CLU: variants seen among roughly 807,000 people sequenced by gnomAD.
The protein encoded by CLU is aging-associated protein 4.
CLU carries 25 observed loss-of-function variants against 46.4 expected under a neutral mutation model. The ratio of observed to expected loss-of-function variants is 0.54; its 90% CI spans 0.39 to 0.75. The LOEUF (loss-of-function observed/expected upper bound fraction) is 0.75. Among genes scored for constraint, CLU ranks in the 30% least tolerant of loss-of-function variants. The pLI, the probability that CLU is intolerant of heterozygous loss-of-function variation, is 0.00. For synonymous variants in CLU, 235 were observed against 235.1 expected (o/e 1.00, Z 0.00); for missense variants, 504 against 592.1 (o/e 0.85, Z 1.54).
At position 27,610,547 on chromosome 8, in the gene CLU, C is replaced by T; in HGVS notation, c.25G>A (p.Val9Met). The T allele has an allele frequency of 6.2e-7, 1 of 1,614,250 alleles. No individual in the cohort carries two copies. Among genetic ancestry groups the T allele is most frequent in the Non-Finnish European group, 8.5e-7 (1 of 1,180,030 alleles). Residue 9 changes from valine to methionine, a missense_variant, in exon 2 of 9, where the codon GTG becomes ATG. Physicochemically the swap from Val to Met is conservative, Grantham distance 21. Around this residue, in one of 3 missense-constraint regions of CLU, gnomAD observed 73 missense variants for 91.2 expected, o/e 0.80. Transcript: ENST00000316403. ...CTCTCCCAGGTCAGCAGCAGCCCCA[C>T]AAACAGCAGCAGAGTCTTCATCATG... MMKTLLLF[V>M]GLLLTWESGQ... is the part of the protein sequence containing the mutation.
At chr8:27,608,913 G>A (rs1485727966) in intron 3 of CLU, 25 bp downstream of exon 3, 1 of 1,614,022 alleles carries the variant, frequency 6.2e-7, no homozygotes, top group South Asian at 1.1e-5. Context: ...GTCAAGGCAG[G>A]GAGGCGGTAG....
chr8:27,604,271 T>C lies in CLU; in HGVS notation c.934+20A>G, dbSNP rs770620635. 6.2e-7 allele frequency: 1 copy of C among 1,601,370 alleles called. No individual in the cohort carries two copies. Among genetic ancestry groups the C allele is most frequent in the African/African-American group, 1.3e-5 (1 of 74,656 alleles). The stretch of plus-strand genomic sequence containing the variant: ...ACAAGGGATCAGGGGGGACGGCTTG[T>C]GGTCTGGACCCCGACTCACCCACAG... On this transcript the variant is annotated intron_variant, in intron 6 of 8. Coordinates refer to ENST00000316403, the MANE Select transcript of CLU (RefSeq NM_001831.4).
At chr8:27,603,150 A>C (rs956212316) in intron 6 of CLU, among the ~76,000 whole-genome samples, 26 of 152,344 alleles carry the variant, frequency 1.7e-4, no homozygotes, top group African/African-American at 5.8e-4. Flanking sequence ...AAAAATCAGC[A>C]TAAGAGGTCC....
At chr8:27,614,570 C>A (rs1056547931) in intron 1 of CLU, 85 bp downstream of exon 1, 1 of 423,438 alleles carries the variant, frequency 2.4e-6, no homozygotes. Flanking sequence ...CTGTGTCATC[C>A]CTCTCTGCCT....
chr8:27,601,313 G>T (rs1318020498), intron 6 of CLU, among the ~76,000 whole-genome samples: 1 of 152,164 alleles, frequency 6.6e-6, no homozygotes. Context: ...GCCTCTCAAG[G>T]TGCTGGGATT....
rs574664682 is a variant in CLU at position 27,608,887 on chromosome 8, C to T, written c.246+51G>A. On this transcript the variant is annotated intron_variant, in intron 3 of 8. Coordinates refer to ENST00000316403, the MANE Select transcript of CLU (RefSeq NM_001831.4). ...GGCACCGCGCAGTGACCCCCTCCCTCCCCTCCAGTGGGATGGTCAAGGCAG... is the reference window on the plus strand; with the variant it reads ...GGCACCGCGCAGTGACCCCCTCCCTTCCCTCCAGTGGGATGGTCAAGGCAG... The T allele has an allele frequency of 1.3e-5, 21 of 1,606,480 alleles. No individual in the cohort carries two copies. The East Asian group carries it at 4.7e-4, about 36-fold the overall frequency.
intron 5 of CLU, 83 bp from the exon 6 acceptor site, chr8:27,604,478 A>AT (rs1800779814): frequency 8.8e-7 from 1 of 1,137,554 alleles, no homozygotes; most frequent in South Asian, 1.3e-5. Context: ...ATTTTTATTT[A>AT]TTTTTTAATT....
Position 27,605,240 on chromosome 8 carries a change from G to A in CLU, c.513C>T (p.His171=), listed in dbSNP as rs776655102. ...AGTGGTCCTGCATGACATCCAGCAT[G>A]TGCGTCTGCTGCCGGTCGTTCTCCA... The part of the protein sequence containing the change: ...SLLENDRQQT[H]MLDVMQDHFS... Residue 171 remains histidine (H), a synonymous_variant, in exon 5 of 9, where the codon CAC becomes CAT. Coordinates refer to ENST00000316403, the MANE Select transcript of CLU (RefSeq NM_001831.4). The A allele has an allele frequency of 1.2e-6, 2 of 1,614,196 alleles. No homozygotes were observed. Among genetic ancestry groups the A allele is most frequent in the Admixed American group, 3.3e-5 (2 of 60,028 alleles).
chr8:27,600,119 C>T, intron 6 of CLU, 110 bp from the exon 7 acceptor site: 3 of 828,714 alleles, frequency 3.6e-6, no homozygotes, highest in Admixed American at 2.0e-5. Flanking sequence ...AAAAGCAGTG[C>T]TTCCCTAAGG....
At chr8:27,614,320 T>C in intron 1 of CLU, 1 of 211,212 alleles carries the variant, frequency 4.7e-6, no homozygotes, top group South Asian at 6.6e-5. Context: ...TGTCACCTGC[T>C]AGCCTGGGTC....
chr8:27,604,818 G>C, intron 5 of CLU, 106 bp downstream of exon 5: 1 of 1,291,212 alleles, frequency 7.7e-7, no homozygotes, highest in Non-Finnish European at 1.1e-6. Flanking sequence ...TATCACCCTT[G>C]TGATATTGCT....
chr8:27,598,689 G>A, intron 7 of CLU, 54 bp from the exon 8 acceptor site: 1 of 1,557,714 alleles, frequency 6.4e-7, no homozygotes, highest in South Asian at 1.1e-5. Flanking sequence ...CAAAATGCAT[G>A]CGCTCTGCAA....
intron 1 of CLU, among the ~76,000 whole-genome samples, chr8:27,612,326 C>G (rs142896834): frequency 1.1e-3 from 168 of 152,294 alleles, no homozygotes; most frequent in African/African-American, 3.9e-3. Flanking sequence ...AATATCTGAG[C>G]CTCAGTTTCT....
chr8:27,603,482 C>G lies in CLU; in HGVS notation c.934+809G>C, dbSNP rs572437956. Among the ~76,000 whole-genome samples, 2 of 152,348 alleles carry G rather than the reference C, an allele frequency of 1.3e-5. 1 individual carries two copies. The highest frequency in any genetic ancestry group is 4.1e-4 in the South Asian group (2 of 4,830). On this transcript the variant is annotated intron_variant, in intron 6 of 8. Transcript: ENST00000316403. ...GCTGTTGACAAGGGGAAACAATTAA[C>G]TCTTTGTGAGTATGAACTGCTGTGT... is the stretch of plus-strand genomic sequence containing the variant.
At chr8:27,612,924 C>T (rs1382107800) in intron 1 of CLU, among the ~76,000 whole-genome samples, 1 of 121,896 alleles carries the variant, frequency 8.2e-6, no homozygotes, top group Non-Finnish European at 1.6e-5. Context: ...AAAGGGGCTG[C>T]TCAGGGGAAG....
rs773771430 is a variant in CLU, at chr8:27,604,875, A to G, written c.829+49T>C. 3 of 1,603,038 alleles carry G rather than the reference A, an allele frequency of 1.9e-6. No homozygotes were observed. In the South Asian group the frequency reaches 3.3e-5, roughly 18 times the overall value. On this transcript the variant is annotated intron_variant, in intron 5 of 8. Coordinates refer to ENST00000316403, the MANE Select transcript of CLU (RefSeq NM_001831.4). ...CCGCTGAGCCCTCGGCATGGTTCTC[A>G]GCATCTAACGAGTTGCTCAAAAGGC...
At chr8:27,613,098 A>T (rs1298050522) in intron 1 of CLU, among the ~76,000 whole-genome samples, 1 of 152,106 alleles carries the variant, frequency 6.6e-6, no homozygotes, top group Non-Finnish European at 1.5e-5. Flanking sequence ...AAGAAAATCA[A>T]TGACCTGGCA....
At position 27,606,438 on chromosome 8, in the gene CLU, T is replaced by C; in HGVS notation, c.333A>G (p.Glu111=). 6.2e-7 allele frequency: 1 copy of C among 1,614,212 alleles called. No homozygotes were observed. Among genetic ancestry groups the C allele is most frequent in the African/African-American group, 1.3e-5 (1 of 75,064 alleles). ...VCNETMMALW[E]ECKPCLKQTC... is the part of the protein sequence containing the mutation. ...TCTGTTTCAGGCAGGGCTTACACTC[T>C]TCCCAGAGGGCCATCATGGTCTCAT... Residue 111 remains glutamate, a synonymous_variant, in exon 4 of 9, where the codon GAA becomes GAG. Transcript: ENST00000316403.
intron 1 of CLU, among the ~76,000 whole-genome samples, chr8:27,613,153 A>G (rs1044086388): frequency 3.9e-5 from 6 of 152,178 alleles, no homozygotes; most frequent in Non-Finnish European, 7.3e-5. Context: ...TTGGGAGGCC[A>G]AGACAGGCGG....
Sources: gnomAD v4.1 joint callset for allele counts (sites outside exome capture counted in the v4.1 genomes callset) on GRCh38, gnomAD v4.1.1 for gene constraint, gnomAD v4.1.1 regional missense constraint, MANE v1.5 for transcripts, NCBI Gene and HGNC (gene_info 2026-07-23, HGNC 2026-07-21) for gene names.